The following AXDND1 variants were observed in gnomAD, a reference collection of about 807,000 sequenced individuals.
The protein encoded by AXDND1 is axonemal dynein light chain domain-containing protein 1.
A neutral mutation model predicts 137.5 loss-of-function variants in AXDND1; 110 were observed. The ratio of observed to expected loss-of-function variants is 0.80; its 90% confidence interval spans 0.69 to 0.94. The LOEUF is 0.94. Ranked by LOEUF, AXDND1 falls within the 40% of genes least tolerant of loss-of-function variation. AXDND1 has a pLI of 0.00. For synonymous variants in AXDND1, 414 were observed against 399.7 expected, an observed-to-expected ratio of 1.04 and a Z score of -0.43; for missense variants, 1,191 against 1,169.8, an observed-to-expected ratio of 1.02 and a Z score of -0.26.
At chr1:179,470,868 A>G (rs1199200323) in intron 17 of AXDND1, among the ~76,000 whole-genome samples, 1 of 152,116 alleles carries the variant, frequency 6.6e-6, no homozygotes, top group Non-Finnish European at 1.5e-5. Context: ...TATTAAGTAT[A>G]ATGTTATTTG....
chr1:179,479,211 T>C (rs1665009257), intron 17 of AXDND1, among the ~76,000 whole-genome samples: 1 of 152,174 alleles, frequency 6.6e-6, no homozygotes, highest in Admixed American at 6.5e-5. Flanking sequence ...GTGCAGTGGC[T>C]CATGCCTGTA....
At chr1:179,500,262 G>T (rs903150960) in intron 20 of AXDND1, among the ~76,000 whole-genome samples, 1 of 149,930 alleles carries the variant, frequency 6.7e-6, no homozygotes, top group Non-Finnish European at 1.5e-5. Context: ...AGGTACACTG[G>T]ATACAACCCA....
At position 179,400,873 on chromosome 1, in the gene AXDND1, C is replaced by G. The variant is rs1651887333; in HGVS notation, c.1109+5671C>G. Among the ~76,000 whole-genome samples the G allele has an allele frequency of 3.7e-5, 5 of 134,406 alleles. No individual in the cohort carries two copies. The South Asian group carries it at 1.2e-3, about 33-fold the overall frequency. The allele number at this position is 134,406 out of a possible 152,430, so 88.2% of individuals were successfully genotyped here. A position where few individuals can be genotyped will look rare whatever the true frequency, so the allele number is the denominator to read the frequency against. On this transcript the variant is annotated intron_variant, in intron 11 of 25. Transcript: ENST00000367618. The stretch of plus-strand genomic sequence containing the variant: ...TGAGCCGAGATCATGCCACTGCACT[C>G]CAGCCTGGGCAACAGAGCGAGACTC...
intron 20 of AXDND1, among the ~76,000 whole-genome samples, chr1:179,502,194 T>G (rs904989616): frequency 1.3e-5 from 2 of 152,236 alleles, no homozygotes; most frequent in Admixed American, 1.3e-4. Context: ...GACATACTTA[T>G]GAAAAGCTGC....
intron 21 of AXDND1, among the ~76,000 whole-genome samples, chr1:179,513,663 T>C (rs1669256878): frequency 6.6e-6 from 1 of 152,178 alleles, no homozygotes; most frequent in South Asian, 2.1e-4. Flanking sequence ...GAATGTCTGG[T>C]AGAATTCTGC....
Position 179,370,000 on chromosome 1 carries a change from A to C in AXDND1, c.296A>C (p.His99Pro), listed in dbSNP as rs1553252096. 1 of 1,613,896 alleles carries C rather than the reference A, an allele frequency of 6.2e-7. No individual in the cohort carries two copies. Among genetic ancestry groups the C allele is most frequent in the Non-Finnish European group, 8.5e-7 (1 of 1,179,966 alleles). The part of the protein sequence containing the change: ...PKGTLPRLVD[H>P]VWHHPVRRNK... ...GGCACTCTTCCACGCCTTGTAGACCATGTCTGGCATCACCCTGTTCGAAGG... is the reference window on the plus strand; with the variant it reads ...GGCACTCTTCCACGCCTTGTAGACCCTGTCTGGCATCACCCTGTTCGAAGG... Residue 99 changes from histidine to proline, a missense_variant, in exon 4 of 26, where the codon CAT becomes CCT. Physicochemically the swap from His to Pro is moderately conservative, Grantham distance 77 (BLOSUM62 -2). Transcript: ENST00000367618.
chr1:179,417,870 G>A (rs2125248949), intron 12 of AXDND1, among the ~76,000 whole-genome samples: 1 of 151,210 alleles, frequency 6.6e-6, no homozygotes, highest in Admixed American at 6.6e-5. Context: ...CATTTTTTAT[G>A]TCTTTTTTTT....
intron 16 of AXDND1, among the ~76,000 whole-genome samples, chr1:179,467,459 A>G (rs1663361574): frequency 6.6e-6 from 1 of 152,222 alleles, no homozygotes. Flanking sequence ...AATAAATATC[A>G]CATAACATCT....
chr1:179,400,904 C>CAAAAAAAAAAAAA (rs151090012), intron 11 of AXDND1, among the ~76,000 whole-genome samples: 6 of 53,666 alleles, frequency 1.1e-4, no homozygotes, highest in East Asian at 7.6e-4. Context: ...GACTCTGTCT[C>CAAAAAAAAAAAAA]AAAAAAAAAA....
At chr1:179,521,467 T>C (rs892007009) in intron 21 of AXDND1, among the ~76,000 whole-genome samples, 5 of 152,170 alleles carry the variant, frequency 3.3e-5, no homozygotes, top group African/African-American at 1.2e-4. Flanking sequence ...TTTAATTATA[T>C]TGAATAATTC....
At chr1:179,477,650 G>T (rs1458001736) in intron 17 of AXDND1, among the ~76,000 whole-genome samples, 3 of 152,114 alleles carry the variant, frequency 2.0e-5, no homozygotes, top group Admixed American at 6.5e-5. Flanking sequence ...TAAGATTTGG[G>T]TGGGGACACA....
At chr1:179,391,468 T>G (rs915306668) in intron 9 of AXDND1, among the ~76,000 whole-genome samples, 1 of 152,104 alleles carries the variant, frequency 6.6e-6, no homozygotes, top group Non-Finnish European at 1.5e-5. Context: ...TCCCTCATTC[T>G]GTTCTTGTGA....
chr1:179,400,835 G>A (rs1164338823), intron 11 of AXDND1, among the ~76,000 whole-genome samples: 6 of 142,224 alleles, frequency 4.2e-5, no homozygotes, highest in African/African-American at 1.5e-4. Context: ...AACCCAGGAG[G>A]CAGAGTTTGC....
intron 16 of AXDND1, among the ~76,000 whole-genome samples, chr1:179,446,224 A>G (rs1659710904): frequency 6.6e-6 from 1 of 152,120 alleles, no homozygotes. Flanking sequence ...AAGAAAAGCC[A>G]TTTTCTAAGG....
chr1:179,381,846 T>A (rs1247825532), intron 6 of AXDND1, among the ~76,000 whole-genome samples: 1 of 151,984 alleles, frequency 6.6e-6, no homozygotes, highest in Non-Finnish European at 1.5e-5. Flanking sequence ...AGTGGCGTGA[T>A]CTTGGCTCAC....
intron 12 of AXDND1, among the ~76,000 whole-genome samples, chr1:179,425,550 A>G (rs969298596): frequency 6.6e-6 from 1 of 151,664 alleles, no homozygotes; most frequent in South Asian, 2.1e-4. Context: ...CAAGGAATCA[A>G]CATGATGGGG....
chr1:179,369,043 A>G (rs1667758480), intron 3 of AXDND1, 71 bp downstream of exon 3: 1 of 1,380,766 alleles, frequency 7.2e-7, no homozygotes. Context: ...TTAAGTATTT[A>G]TTATGCACAT....
Position 179,369,989 on chromosome 1 carries a change from C to A in AXDND1, c.285C>A (p.Arg95=), listed in dbSNP as rs778877771. The change falls in exon 4 of 26, where the codon CGC becomes CGA. Residue 95 remains arginine (R), a synonymous_variant. Transcript: ENST00000367618. The part of the protein sequence containing the change: ...KIKTPKGTLP[R]LVDHVWHHPV... ...CTTTTTCCCAGGGCACTCTTCCACG[C>A]CTTGTAGACCATGTCTGGCATCACC... 2.3e-5 allele frequency: 37 copies of A among 1,613,710 alleles called. No individual in the cohort carries two copies. The Admixed American group carries it at 5.8e-4, about 25-fold the overall frequency.
rs755534956 is a variant in AXDND1 at position 179,366,463 on chromosome 1, C to G, written c.-47C>G. On this transcript the variant is annotated 5_prime_UTR_variant, in exon 2 of 26. Transcript: ENST00000367618. ...CTGATTTGTGTCTAAATTAGCTTTCCGGAGGACTATTTCAAATTACTAAAG... is the reference window on the plus strand; with the variant it reads ...CTGATTTGTGTCTAAATTAGCTTTCGGGAGGACTATTTCAAATTACTAAAG... The G allele has an allele frequency of 3.3e-6, 5 of 1,500,316 alleles. No homozygotes were observed. The Admixed American group carries it at 5.0e-5, about 15-fold the overall frequency. 92.9% of individuals were successfully genotyped at this position (1,500,316 alleles called of 1,614,324 possible).
Sources: allele counts gnomAD v4.1 joint callset (sites outside exome capture counted in the v4.1 genomes callset), GRCh38; gene constraint gnomAD v4.1.1; transcripts MANE v1.5; gene names NCBI Gene and HGNC (gene_info 2026-07-23, HGNC 2026-07-21).